Variants in CDH13 observed in about 807,000 individuals in gnomAD.
The protein encoded by CDH13 is cadherin 13.
In CDH13, 24 loss-of-function variants were observed where a neutral mutation model predicts 63.8. The ratio of observed to expected loss-of-function variants is 0.38; its 90% CI spans 0.27 to 0.53. CDH13 has a LOEUF of 0.53. CDH13 is among the 20% of genes least tolerant of loss of function. The pLI, the probability that CDH13 is intolerant of heterozygous loss-of-function variation, is 0.85. For synonymous variants in CDH13, 503 were observed against 355.3 expected (o/e 1.42, Z -4.67); for missense variants, 1,049 against 903.1 (o/e 1.16, Z -2.07).
chr16:83,672,267 C>T (rs1429302093), intron 9 of CDH13, among the ~76,000 whole-genome samples: 3 of 152,152 alleles, frequency 2.0e-5, no homozygotes, highest in African/African-American at 7.2e-5. Flanking sequence ...ATCCATTTCT[C>T]ACAGTTCTGG....
chr16:83,422,503 G>GA (rs1302686666), intron 6 of CDH13, among the ~76,000 whole-genome samples: 4 of 152,172 alleles, frequency 2.6e-5, no homozygotes, highest in Non-Finnish European at 4.4e-5. Context: ...ATTAGAGACA[G>GA]AAAAGAGTTT....
chr16:82,872,600 T>C (rs1359263244), intron 2 of CDH13, among the ~76,000 whole-genome samples: 1 of 152,190 alleles, frequency 6.6e-6, no homozygotes, highest in Non-Finnish European at 1.5e-5. Flanking sequence ...TCTACACACA[T>C]TCTAGTAATA....
At chr16:83,049,451 C>T (rs1331297591) in intron 3 of CDH13, among the ~76,000 whole-genome samples, 1 of 151,254 alleles carries the variant, frequency 6.6e-6, no homozygotes, top group Non-Finnish European at 1.5e-5. Flanking sequence ...TCTCCTGCCT[C>T]ATCCTCCCGA....
At chr16:83,103,273 C>G (rs949692696) in intron 3 of CDH13, among the ~76,000 whole-genome samples, 8 of 108,458 alleles carry the variant, frequency 7.4e-5, no homozygotes, top group Non-Finnish European at 1.4e-4. Flanking sequence ...TTGAGACAGT[C>G]TGGCTCTGTT....
Position 83,482,421 on chromosome 16 carries a change from T to C in CDH13, c.782-4056T>C, listed in dbSNP as rs1030316943. Among the ~76,000 whole-genome samples the C allele has an allele frequency of 3.9e-5, 6 of 152,242 alleles. No individual in the cohort carries two copies. The South Asian group carries it at 6.2e-4, about 16-fold the overall frequency. On this transcript the variant is annotated intron_variant, in intron 6 of 13. Transcript: ENST00000567109. ...AGAGACACCCTCTCTTGGAGATTGA[T>C]GCTGTAAGCGTGCTTAATAGAGGCA...
intron 13 of CDH13, among the ~76,000 whole-genome samples, chr16:83,787,302 ATTGT>A (rs201491175): frequency 7.9e-5 from 12 of 151,960 alleles, no homozygotes; most frequent in Middle Eastern, 3.4e-3. Context: ...ATTCATCTTT[ATTGT>A]TTGTTTGTTT....
chr16:83,240,342 A>G (rs547071401), intron 5 of CDH13, among the ~76,000 whole-genome samples: 7 of 152,094 alleles, frequency 4.6e-5, no homozygotes, highest in Non-Finnish European at 1.0e-4. Context: ...TGAAATGGGA[A>G]GCACTGAAGG....
intron 2 of CDH13, among the ~76,000 whole-genome samples, chr16:82,950,673 G>A (rs1008251144): frequency 6.6e-6 from 1 of 152,106 alleles, no homozygotes; most frequent in Non-Finnish European, 1.5e-5. Context: ...GTCTTTATCA[G>A]CATTGTGAAA....
chr16:82,991,152 A>G (rs1207137973), intron 2 of CDH13, among the ~76,000 whole-genome samples: 1 of 152,196 alleles, frequency 6.6e-6, no homozygotes, highest in East Asian at 1.9e-4. Context: ...AACAGTGACA[A>G]CTTAGATGGC....
At chr16:83,605,455 A>G (rs957763680) in intron 8 of CDH13, among the ~76,000 whole-genome samples, 2 of 152,162 alleles carry the variant, frequency 1.3e-5, no homozygotes, top group African/African-American at 2.4e-5. Flanking sequence ...TGGAGCCGGA[A>G]TTGGGTTCAC....
intron 7 of CDH13, among the ~76,000 whole-genome samples, chr16:83,528,898 A>G (rs1395636934): frequency 6.6e-6 from 1 of 152,144 alleles, no homozygotes; most frequent in Admixed American, 6.5e-5. Flanking sequence ...ATAACTGTTT[A>G]ATTAGCAGGA....
intron 2 of CDH13, among the ~76,000 whole-genome samples, chr16:82,955,740 G>A (rs1379348040): frequency 1.3e-5 from 2 of 152,084 alleles, no homozygotes; most frequent in African/African-American, 2.4e-5. Context: ...GTCATTGCTG[G>A]GATTCTCTTC....
At chr16:83,208,042 C>A (rs1303237025) in intron 4 of CDH13, among the ~76,000 whole-genome samples, 1 of 152,106 alleles carries the variant, frequency 6.6e-6, no homozygotes, top group Non-Finnish European at 1.5e-5. Context: ...TTGCCTGTAA[C>A]CTTAGCGCCT....
At chr16:82,856,010 T>G (rs1046285024) in intron 1 of CDH13, among the ~76,000 whole-genome samples, 45 of 152,160 alleles carry the variant, frequency 3.0e-4, no homozygotes, top group African/African-American at 9.9e-4. Flanking sequence ...GAAGTTTTGT[T>G]TTCTAAGAAA....
intron 7 of CDH13, among the ~76,000 whole-genome samples, chr16:83,579,064 C>T (rs570642018): frequency 2.0e-5 from 3 of 152,292 alleles, no homozygotes; most frequent in African/African-American, 7.2e-5. Context: ...TGATAAAATT[C>T]CCATGTTTAA....
At chr16:82,775,404 C>T (rs1306127046) in intron 1 of CDH13, among the ~76,000 whole-genome samples, 2 of 152,320 alleles carry the variant, frequency 1.3e-5, no homozygotes, top group East Asian at 1.9e-4. Flanking sequence ...TATTTACCTT[C>T]TCTGACTTTT....
chr16:83,325,005 A>G (rs2090328104), intron 5 of CDH13, among the ~76,000 whole-genome samples: 1 of 152,126 alleles, frequency 6.6e-6, no homozygotes, highest in Admixed American at 6.5e-5. Context: ...CAGTTTTTCA[A>G]AGGTATGGGC....
chr16:82,740,896 A>G (rs1329554996), intron 1 of CDH13, among the ~76,000 whole-genome samples: 1 of 152,146 alleles, frequency 6.6e-6, no homozygotes, highest in Non-Finnish European at 1.5e-5. Flanking sequence ...AATACATTCG[A>G]TCACAGCTGC....
chr16:82,888,944 C>A (rs1055911607), intron 2 of CDH13, among the ~76,000 whole-genome samples: 1 of 152,112 alleles, frequency 6.6e-6, no homozygotes, highest in African/African-American at 2.4e-5. Context: ...TGTTTCATTG[C>A]TTGGGGTGTT....
Sources: allele counts gnomAD v4.1 joint callset (sites outside exome capture counted in the v4.1 genomes callset), GRCh38; gene constraint gnomAD v4.1.1; transcripts MANE v1.5; gene names NCBI Gene and HGNC (gene_info 2026-07-23, HGNC 2026-07-21).